DDO: variants seen among roughly 807,000 people sequenced by gnomAD.
DDO encodes the protein D-aspartate oxidase, also known as D-aspartate oxidase, DDO.
A neutral mutation model predicts 16.8 loss-of-function variants in DDO; 16 were observed. The ratio of observed to expected loss-of-function variants is 0.95; its 90% CI spans 0.65 to 1.45. The LOEUF (loss-of-function observed/expected upper bound fraction) is 1.45. Ranked by LOEUF, DDO falls within the 40% of genes most tolerant of loss-of-function variation. The probability of loss-of-function intolerance (pLI) is 0.00; values close to 1 mark genes in which losing one functional copy is unlikely to be tolerated. For missense variants in DDO, 429 were observed against 420.3 expected (o/e 1.02, Z -0.18); for synonymous variants, 180 against 167.2 (o/e 1.08, Z -0.59).
downstream of DDO, among the ~76,000 whole-genome samples, chr6:110,391,420 G>T (rs1773097868): frequency 7.0e-6 from 1 of 143,764 alleles, no homozygotes; most frequent in Non-Finnish European, 1.5e-5. Flanking sequence ...TGCGATCTCA[G>T]CTCACTGCAA....
intron 4 of DDO, among the ~76,000 whole-genome samples, chr6:110,403,442 G>T (rs186346628): frequency 1.1e-3 from 170 of 152,204 alleles, no homozygotes; most frequent in African/African-American, 4.0e-3. Flanking sequence ...TTGCTTGTTG[G>T]CTGGTGGGCA....
intron 4 of DDO, among the ~76,000 whole-genome samples, chr6:110,393,923 TA>T (rs1233559738): frequency 2.6e-5 from 4 of 152,240 alleles, no homozygotes; most frequent in Non-Finnish European, 5.9e-5. Context: ...GGACCAACTA[TA>T]TCAATAGTGA....
chr6:110,413,170 A>G, intron 2 of DDO, 121 bp downstream of exon 2: 3 of 1,174,266 alleles, frequency 2.6e-6, no homozygotes, highest in Non-Finnish European at 3.5e-6. Context: ...GGAAAGGAAA[A>G]AGAAAAAAAC....
At chr6:110,410,223 AG>A (rs1259282200) in intron 2 of DDO, among the ~76,000 whole-genome samples, 6 of 152,242 alleles carry the variant, frequency 3.9e-5, no homozygotes, top group African/African-American at 1.4e-4. Context: ...ACCCTGGTCC[AG>A]GAGAACCAGC....
At chr6:110,402,319 C>T (rs895703584) in intron 4 of DDO, among the ~76,000 whole-genome samples, 3 of 152,150 alleles carry the variant, frequency 2.0e-5, no homozygotes, top group African/African-American at 7.2e-5. Context: ...TTTTATTATA[C>T]TACTGTGTTT....
rs185151019 is a variant in DDO, at chr6:110,402,535, G to A, written c.458+2239C>T. On this transcript the variant is annotated intron_variant, in intron 4 of 4. Coordinates refer to ENST00000368924, the MANE Select transcript of DDO (RefSeq NM_001372108.2). ...CAAAAATTAGCTGGGCGTGGTGGCA[G>A]GCACCTGTAATCCCAGCTACTTGAG... is the stretch of plus-strand genomic sequence containing the variant. Among the ~76,000 whole-genome samples, 229 of 152,154 alleles carry A rather than the reference G, an allele frequency of 1.5e-3. 1 individual carries two copies. The highest frequency in any genetic ancestry group is 5.1e-3 in the African/African-American group (210 of 41,498).
downstream of DDO, among the ~76,000 whole-genome samples, chr6:110,390,270 AG>A (rs1371911669): frequency 6.6e-6 from 1 of 152,194 alleles, no homozygotes; most frequent in Non-Finnish European, 1.5e-5. Flanking sequence ...CCTGGCTCTC[AG>A]AACTTTGTGG....
intron 1 of DDO, 66 bp from the exon 2 acceptor site, chr6:110,413,532 G>A (rs1172009279): frequency 1.3e-6 from 2 of 1,555,800 alleles, no homozygotes; most frequent in African/African-American, 1.4e-5. Context: ...ACAAAGTTTG[G>A]TCTTGACAGT....
chr6:110,396,811 C>A (rs1773306237), intron 4 of DDO, among the ~76,000 whole-genome samples: 2 of 152,030 alleles, frequency 1.3e-5, no homozygotes, highest in South Asian at 2.1e-4. Flanking sequence ...GTAAGAATAA[C>A]CAATTTAGAA....
intron 1 of DDO, 68 bp from the exon 2 acceptor site, chr6:110,413,534 C>T (rs757694021): frequency 5.8e-6 from 9 of 1,554,096 alleles, no homozygotes; most frequent in Non-Finnish European, 7.9e-6. Context: ...AAAGTTTGGT[C>T]TTGACAGTTT....
chr6:110,413,616 C>T (rs1012571230), intron 1 of DDO, 150 bp from the exon 2 acceptor site: 2 of 730,806 alleles, frequency 2.7e-6, no homozygotes, highest in African/African-American at 3.6e-5. Context: ...AAGAGGATAA[C>T]CCCATAAGCT....
At chr6:110,409,362 C>A (rs567350036) in intron 2 of DDO, among the ~76,000 whole-genome samples, 3 of 152,252 alleles carry the variant, frequency 2.0e-5, no homozygotes, top group Non-Finnish European at 4.4e-5. Context: ...AGGGTTAGGC[C>A]AGGGACCAGG....
intron 4 of DDO, among the ~76,000 whole-genome samples, chr6:110,403,936 A>T (rs1261764141): frequency 6.6e-6 from 1 of 152,242 alleles, no homozygotes; most frequent in African/African-American, 2.4e-5. Context: ...ATATGAATCA[A>T]TTATCCTATA....
chr6:110,412,351 G>T lies in DDO; in HGVS notation c.172+940C>A, dbSNP rs140632559. Among the ~76,000 whole-genome samples the T allele has an allele frequency of 3.6e-3, 555 of 152,162 alleles. 1 individual carries two copies. The highest frequency in any genetic ancestry group is 0.013 in the African/African-American group (527 of 41,506). On this transcript the variant is annotated intron_variant, in intron 2 of 4. Coordinates refer to ENST00000368924, the MANE Select transcript of DDO (RefSeq NM_001372108.2). ...CATATTGATAATTGTTCTTATACAG[G>T]CTTAGAAGTTAGGATAATTTTAGTT...
intron 4 of DDO, among the ~76,000 whole-genome samples, chr6:110,404,032 A>G (rs572971583): frequency 6.6e-6 from 1 of 152,300 alleles, no homozygotes; most frequent in South Asian, 2.1e-4. Flanking sequence ...CATCGTTCCT[A>G]TTTACCAAAA....
intron 4 of DDO, among the ~76,000 whole-genome samples, chr6:110,398,398 A>ACCCC (rs369388298): frequency 5.4e-5 from 4 of 74,730 alleles, no homozygotes; most frequent in Non-Finnish European, 5.8e-5. Flanking sequence ...ACACACACAC[A>ACCCC]CACACACACA....
intron 1 of DDO, among the ~76,000 whole-genome samples, chr6:110,413,919 GCC>G (rs749399564): frequency 4.6e-5 from 7 of 152,042 alleles, no homozygotes; most frequent in Non-Finnish European, 8.8e-5. Context: ...GATTACAGGT[GCC>G]CACCACCACG....
At chr6:110,395,588 C>T (rs766913392) in intron 4 of DDO, among the ~76,000 whole-genome samples, 8 of 152,076 alleles carry the variant, frequency 5.3e-5, no homozygotes, top group Non-Finnish European at 1.2e-4. Flanking sequence ...ATGCTTGTAT[C>T]CTGCATGCCC....
At chr6:110,401,146 T>A (rs772002534) in intron 4 of DDO, among the ~76,000 whole-genome samples, 1 of 152,214 alleles carries the variant, frequency 6.6e-6, no homozygotes, top group Non-Finnish European at 1.5e-5. Context: ...TTTGCTGCCA[T>A]GTGAAGATGC....
Sources: gnomAD v4.1 joint callset for allele counts (sites outside exome capture counted in the v4.1 genomes callset) on GRCh38, gnomAD v4.1.1 for gene constraint, MANE v1.5 for transcripts, NCBI Gene and HGNC (gene_info 2026-07-23, HGNC 2026-07-21) for gene names.